The following CABIN1 variants were observed in gnomAD, a reference collection of about 807,000 sequenced individuals.
The protein encoded by CABIN1 is calcineurin binding protein 1.
In CABIN1, 133 loss-of-function variants were observed where a neutral mutation model predicts 227.7. The ratio of observed to expected loss-of-function variants is 0.58; its 90% CI spans 0.51 to 0.67. CABIN1 has a LOEUF of 0.67. Ranked by LOEUF, CABIN1 falls within the 30% of genes least tolerant of loss-of-function variation. The pLI, the probability that CABIN1 is intolerant of heterozygous loss-of-function variation, is 0.00. For missense variants in CABIN1, 2,408 were observed against 2,852.5 expected, an observed-to-expected ratio of 0.84 and a Z score of 3.55; for synonymous variants, 1,086 against 1,155.1, an observed-to-expected ratio of 0.94 and a Z score of 1.21.
rs1273690959 is a variant in CABIN1, at chr22:24,178,185, A to G, written c.6652A>G (p.Met2218Val). 1 of 1,612,784 alleles carries G rather than the reference A, an allele frequency of 6.2e-7. No homozygotes were observed. Among genetic ancestry groups the G allele is most frequent in the Non-Finnish European group, 8.5e-7 (1 of 1,179,794 alleles). ...ESETDEDDDY[M>V]DI ...CGAGACAGACGAGGACGACGACTACATGGACATTTGAGGGGCCACTGCAGC... is the reference window on the plus strand; with the variant it reads ...CGAGACAGACGAGGACGACGACTACGTGGACATTTGAGGGGCCACTGCAGC... Residue 2218 changes from methionine to valine, a missense_variant, in exon 37 of 37, where the codon ATG (methionine) becomes GTG (valine). Around this residue, in one of 3 missense-constraint regions of CABIN1, gnomAD observed 714 missense variants for 773.8 expected, o/e 0.92. Transcript: ENST00000263119.
At chr22:24,145,269 G>GGGGCT (rs765592575) in intron 29 of CABIN1, among the ~76,000 whole-genome samples, 12 of 152,180 alleles carry the variant, frequency 7.9e-5, no homozygotes, top group Non-Finnish European at 1.2e-4. Flanking sequence ...ATGCACTGGA[G>GGGGCT]GGGCTGGGCT....
intron 29 of CABIN1, among the ~76,000 whole-genome samples, chr22:24,159,356 G>A (rs2046019673): frequency 6.6e-6 from 1 of 152,266 alleles, no homozygotes. Context: ...GCCGGGCCAA[G>A]CCCAAGAAGG....
intron 6 of CABIN1, among the ~76,000 whole-genome samples, 156 bp from the exon 7 acceptor site, chr22:24,048,935 A>AT (rs1170280710): frequency 6.6e-6 from 1 of 152,136 alleles, no homozygotes; most frequent in Non-Finnish European, 1.5e-5. Context: ...TCTGGGTCTT[A>AT]TTACTAACCT....
intron 33 of CABIN1, chr22:24,170,029 C>T (rs988506204): frequency 8.0e-5 from 34 of 424,898 alleles, no homozygotes; most frequent in East Asian, 1.5e-4. Context: ...TGCTGCTGGG[C>T]GACGCCAGGC....
intron 26 of CABIN1, among the ~76,000 whole-genome samples, chr22:24,104,021 C>A (rs2147552997): frequency 6.6e-6 from 1 of 152,204 alleles, no homozygotes; most frequent in Admixed American, 6.5e-5. Flanking sequence ...TTGGAGAGTC[C>A]TACAGCTTTT....
chr22:24,173,219 C>T (rs1004412350), intron 34 of CABIN1: 2 of 152,268 alleles, frequency 1.3e-5, no homozygotes, highest in Non-Finnish European at 2.9e-5. Context: ...AAAAACGAGA[C>T]AGCCACTCTG....
intron 27 of CABIN1, among the ~76,000 whole-genome samples, chr22:24,114,087 T>A (rs1050069178): frequency 1.1e-4 from 17 of 151,760 alleles, no homozygotes; most frequent in African/African-American, 3.7e-4. Context: ...TTGTTGTTGT[T>A]GTTGGTAAAT....
At chr22:24,060,278 T>A (rs916743368) in intron 12 of CABIN1, 137 bp downstream of exon 12, 9 of 832,802 alleles carry the variant, frequency 1.1e-5, no homozygotes, top group Non-Finnish European at 1.8e-5. Flanking sequence ...TTTGTGGGTG[T>A]CGAAGCAGGA....
chr22:24,069,725 C>T (rs2039951939), intron 16 of CABIN1, among the ~76,000 whole-genome samples: 1 of 152,074 alleles, frequency 6.6e-6, no homozygotes, highest in Non-Finnish European at 1.5e-5. Context: ...GAAACACGGG[C>T]CCCATTTTCC....
At chr22:24,118,944 G>A (rs1290100675) in intron 27 of CABIN1, among the ~76,000 whole-genome samples, 1 of 152,234 alleles carries the variant, frequency 6.6e-6, no homozygotes, top group East Asian at 1.9e-4. Context: ...TGAGCACTGA[G>A]CAGGGGAGCA....
intron 10 of CABIN1, among the ~76,000 whole-genome samples, chr22:24,057,560 T>C (rs866794748): frequency 6.6e-6 from 1 of 152,270 alleles, no homozygotes; most frequent in African/African-American, 2.4e-5. Context: ...GTGTTCGATA[T>C]GCCATCTTTA....
At chr22:24,123,409 C>T (rs998006865) in intron 28 of CABIN1, among the ~76,000 whole-genome samples, 1 of 152,198 alleles carries the variant, frequency 6.6e-6, no homozygotes, top group Non-Finnish European at 1.5e-5. Context: ...AAGTGTGCCT[C>T]AGGTAGCCTC....
intron 1 of CABIN1, among the ~76,000 whole-genome samples, chr22:24,028,552 G>A (rs969819233): frequency 1.2e-4 from 19 of 152,174 alleles, no homozygotes; most frequent in African/African-American, 3.4e-4. Context: ...AGTTAAATGT[G>A]TCCTATCCTC....
In CABIN1 at chr22:24,056,217, C is replaced by T. The variant is rs1292884826; in HGVS notation, c.1119C>T (p.Ser373=). Residue 373 remains serine, a synonymous_variant, in exon 10 of 37, where the codon TCC becomes TCT. Transcript: ENST00000263119. The part of the protein sequence containing the change: ...PVGDISGGDK[S]KKGVKRKKIS... The stretch of plus-strand genomic sequence containing the variant: ...GTGATATTTCTGGGGGAGATAAATC[C>T]AAGAAAGGGGTAAAACGGAAGAAGA... The T allele has an allele frequency of 1.2e-6, 2 of 1,613,676 alleles. No individual in the cohort carries two copies. The highest frequency in any genetic ancestry group is 1.7e-6 in the Non-Finnish European group (2 of 1,179,928).
intron 26 of CABIN1, among the ~76,000 whole-genome samples, chr22:24,105,481 A>C (rs951692928): frequency 6.6e-6 from 1 of 152,222 alleles, no homozygotes; most frequent in Non-Finnish European, 1.5e-5. Flanking sequence ...AAAAAGAGCA[A>C]GGCCAACCTA....
At chr22:24,101,519 G>C (rs915333662) in intron 26 of CABIN1, among the ~76,000 whole-genome samples, 2 of 152,166 alleles carry the variant, frequency 1.3e-5, no homozygotes, top group Admixed American at 6.5e-5. Context: ...GCCCTTCACG[G>C]AACAGCCAGG....
chr22:24,126,772 G>A (rs2043750891), intron 28 of CABIN1, among the ~76,000 whole-genome samples: 1 of 152,192 alleles, frequency 6.6e-6, no homozygotes, highest in Admixed American at 6.5e-5. Context: ...GCCAAGGCGG[G>A]CAAATCACTT....
chr22:24,146,434 C>T (rs1258794942), intron 29 of CABIN1, among the ~76,000 whole-genome samples: 1 of 152,230 alleles, frequency 6.6e-6, no homozygotes, highest in East Asian at 1.9e-4. Context: ...CCGTGTTCAG[C>T]CTGGAGCAGG....
intron 6 of CABIN1, among the ~76,000 whole-genome samples, chr22:24,045,587 G>A (rs1213242006): frequency 6.6e-6 from 1 of 150,810 alleles, no homozygotes; most frequent in Non-Finnish European, 1.5e-5. Flanking sequence ...CAGCCTGGGT[G>A]ACAGAGCGAG....
Sources: gnomAD v4.1 joint callset for allele counts (sites outside exome capture counted in the v4.1 genomes callset) on GRCh38, gnomAD v4.1.1 for gene constraint, gnomAD v4.1.1 regional missense constraint, MANE v1.5 for transcripts, NCBI Gene and HGNC (gene_info 2026-07-23, HGNC 2026-07-21) for gene names.